Variants in CRPPA observed in about 807,000 individuals in gnomAD.
The protein encoded by CRPPA is D-ribitol-5-phosphate cytidylyltransferase.
Under a neutral mutation model 52.0 loss-of-function variants are expected in CRPPA, and 43 were observed. The observed-to-expected ratio is 0.83, with a 90% CI of 0.65 to 1.07. The LOEUF (loss-of-function observed/expected upper bound fraction) is 1.07. CRPPA is among the 50% of genes least tolerant of loss of function. The pLI is 0.00. For missense variants in CRPPA, 629 were observed against 551.7 expected (o/e 1.14, Z -1.40); for synonymous variants, 250 against 203.5 (o/e 1.23, Z -1.94).
At chr7:16,386,493 C>A (rs1469674999) in intron 2 of CRPPA, among the ~76,000 whole-genome samples, 1 of 152,094 alleles carries the variant, frequency 6.6e-6, no homozygotes, top group Non-Finnish European at 1.5e-5. Context: ...CTTCTTCTAC[C>A]CAGTATTTCC....
intron 9 of CRPPA, among the ~76,000 whole-genome samples, chr7:16,201,618 T>C (rs558772004): frequency 3.3e-5 from 5 of 152,228 alleles, no homozygotes; most frequent in Non-Finnish European, 5.9e-5. Flanking sequence ...CTTATTCTTC[T>C]TGGGTGTGGG....
At chr7:16,278,873 T>G (rs914869030) in intron 5 of CRPPA, among the ~76,000 whole-genome samples, 3 of 152,224 alleles carry the variant, frequency 2.0e-5, no homozygotes, top group Admixed American at 2.0e-4. Context: ...CCAAAAGATA[T>G]GAAGTCCTCC....
chr7:16,375,763 G>A (rs1378449108), intron 3 of CRPPA, among the ~76,000 whole-genome samples: 1 of 152,042 alleles, frequency 6.6e-6, no homozygotes, highest in Admixed American at 6.6e-5. Flanking sequence ...GAACACCCTG[G>A]GCATTGTATC....
intron 9 of CRPPA, among the ~76,000 whole-genome samples, chr7:16,122,545 T>G (rs994337170): frequency 6.6e-6 from 1 of 152,052 alleles, no homozygotes; most frequent in Non-Finnish European, 1.5e-5. Context: ...AATAAAATAT[T>G]TATTTCTATA....
At chr7:16,284,615 C>A (rs752902089) in intron 5 of CRPPA, among the ~76,000 whole-genome samples, 1 of 152,094 alleles carries the variant, frequency 6.6e-6, no homozygotes, top group East Asian at 1.9e-4. Flanking sequence ...TTTCACCAAA[C>A]GTGCCATAAT....
chr7:16,124,765 T>A (rs1368489708), intron 9 of CRPPA, among the ~76,000 whole-genome samples: 1 of 152,202 alleles, frequency 6.6e-6, no homozygotes, highest in Admixed American at 6.5e-5. Flanking sequence ...CTGGATATGC[T>A]AATTACCTTG....
chr7:16,241,706 C>T (rs569284276), intron 8 of CRPPA, among the ~76,000 whole-genome samples: 3 of 152,028 alleles, frequency 2.0e-5, no homozygotes, highest in African/African-American at 4.8e-5. Context: ...TTGGGAAAAC[C>T]TTGCCAGAAC....
intron 8 of CRPPA, among the ~76,000 whole-genome samples, chr7:16,249,471 C>G (rs1783379612): frequency 6.6e-6 from 1 of 152,160 alleles, no homozygotes; most frequent in African/African-American, 2.4e-5. Flanking sequence ...ACATCTCATA[C>G]AGGAGAGCTC....
rs191113780 is a variant in CRPPA at position 16,253,667 on chromosome 7, C to T, written c.1119+4723G>A. Among the ~76,000 whole-genome samples the T allele has an allele frequency of 8.6e-5, 13 of 151,856 alleles. No homozygotes were observed. In the East Asian group the frequency reaches 2.5e-3, roughly 29 times the overall value. Reference sequence around the variant, plus strand: ...TCAAGTTAGGCAATACCATTCAGGACATAGGCATGGGCAAAGACTTCATGA... The same window carrying T: ...TCAAGTTAGGCAATACCATTCAGGATATAGGCATGGGCAAAGACTTCATGA... On this transcript the variant is annotated intron_variant, in intron 8 of 9. Coordinates refer to ENST00000407010, the MANE Select transcript of CRPPA (RefSeq NM_001101426.4).
intron 9 of CRPPA, among the ~76,000 whole-genome samples, chr7:16,174,524 A>C (rs1583408369): frequency 6.6e-6 from 1 of 152,158 alleles, no homozygotes; most frequent in Non-Finnish European, 1.5e-5. Context: ...TCCACTTCCA[A>C]TTAAAGAATA....
intron 8 of CRPPA, among the ~76,000 whole-genome samples, chr7:16,235,621 A>T (rs1782928387): frequency 1.3e-5 from 2 of 152,056 alleles, no homozygotes; most frequent in Admixed American, 1.3e-4. Context: ...AAAGCCTAAA[A>T]TATTTACTAT....
chr7:16,198,949 T>C (rs1026783492), intron 9 of CRPPA, among the ~76,000 whole-genome samples: 1 of 152,156 alleles, frequency 6.6e-6, no homozygotes, highest in East Asian at 1.9e-4. Flanking sequence ...CCAAACTCCA[T>C]CAGCAGAATA....
intron 3 of CRPPA, among the ~76,000 whole-genome samples, chr7:16,366,411 A>G (rs915005228): frequency 2.6e-5 from 4 of 152,214 alleles, no homozygotes; most frequent in African/African-American, 9.6e-5. Flanking sequence ...TCAAATTGAC[A>G]AAAGCTAGAA....
intron 3 of CRPPA, among the ~76,000 whole-genome samples, chr7:16,354,470 C>T (rs1483166025): frequency 6.7e-6 from 1 of 148,254 alleles, no homozygotes; most frequent in Admixed American, 6.9e-5. Context: ...ACTCTTAATT[C>T]CATTTAATAT....
chr7:16,151,599 TA>T lies in CRPPA; in HGVS notation c.1252-59801del, dbSNP rs138154714. 1.7e-3 allele frequency among the ~76,000 whole-genome samples: 253 copies of T among 152,146 alleles called. 12 individuals are homozygous for T. The East Asian group carries it at 0.043, about 26-fold the overall frequency. ...TAGAAAAACATTTTAAAGTATATTT[TA>T]AAAAAATAAAATTGATTATCTTCTT... is the stretch of plus-strand genomic sequence containing the variant. On this transcript the variant is annotated intron_variant, in intron 9 of 9. Transcript: ENST00000407010.
intron 9 of CRPPA, among the ~76,000 whole-genome samples, chr7:16,190,618 G>A (rs948537389): frequency 6.6e-5 from 10 of 152,186 alleles, no homozygotes; most frequent in Middle Eastern, 3.4e-3. Flanking sequence ...TTCGGAACTA[G>A]TAATTTTTTT....
At chr7:16,211,699 T>C (rs1782147054) in intron 9 of CRPPA, among the ~76,000 whole-genome samples, 1 of 152,136 alleles carries the variant, frequency 6.6e-6, no homozygotes, top group Non-Finnish European at 1.5e-5. Flanking sequence ...ACCTTTGAGA[T>C]GAAAAAATGG....
intron 9 of CRPPA, among the ~76,000 whole-genome samples, chr7:16,164,639 A>G (rs1440682330): frequency 6.6e-6 from 1 of 152,036 alleles, no homozygotes; most frequent in East Asian, 1.9e-4. Context: ...CCTCATCTTC[A>G]TGGATATATC....
At chr7:16,193,294 A>T (rs944317705) in intron 9 of CRPPA, among the ~76,000 whole-genome samples, 1 of 152,110 alleles carries the variant, frequency 6.6e-6, no homozygotes, top group Admixed American at 6.6e-5. Flanking sequence ...TTATGCTACT[A>T]TAAGTGAGAT....
Sources: gnomAD v4.1 joint callset for allele counts (sites outside exome capture counted in the v4.1 genomes callset) on GRCh38, gnomAD v4.1.1 for gene constraint, MANE v1.5 for transcripts, NCBI Gene and HGNC (gene_info 2026-07-23, HGNC 2026-07-21) for gene names.